CSMD1: variants seen among roughly 807,000 people sequenced by gnomAD.
CSMD1 encodes the protein CUB and Sushi multiple domains 1, also known as CUB and sushi domain-containing protein 1.
A neutral mutation model predicts 417.5 loss-of-function variants in CSMD1; 213 were observed. That is an observed-to-expected ratio of 0.51 (90% CI 0.46 to 0.57). The LOEUF (loss-of-function observed/expected upper bound fraction) is 0.57, where lower values mean the gene tolerates loss of function less well. Among genes scored for constraint, CSMD1 ranks in the 20% least tolerant of loss-of-function variants. CSMD1 has a pLI of 0.00. For missense variants in CSMD1, 6,923 were observed against 4,529.7 expected (o/e 1.53, Z -15.17); for synonymous variants, 2,862 against 1,736.8 (o/e 1.65, Z -16.11).
intron 1 of CSMD1, among the ~76,000 whole-genome samples, chr8:4,685,698 G>C (rs939185388): frequency 2.0e-5 from 3 of 152,186 alleles, no homozygotes; most frequent in African/African-American, 7.2e-5. Flanking sequence ...TGAGTACAAG[G>C]AAGTGAAACG....
At chr8:2,994,230 A>C (rs1806675125) in intron 54 of CSMD1, among the ~76,000 whole-genome samples, 1 of 151,972 alleles carries the variant, frequency 6.6e-6, no homozygotes, top group Non-Finnish European at 1.5e-5. Context: ...ACATTCAAAC[A>C]ACCAAAGAAG....
intron 1 of CSMD1, among the ~76,000 whole-genome samples, chr8:4,755,616 T>A (rs1811618170): frequency 6.6e-6 from 1 of 152,192 alleles, no homozygotes; most frequent in East Asian, 1.9e-4. Context: ...AAGTTACTTT[T>A]CATCGTCTCC....
At chr8:4,748,193 C>G (rs1393715758) in intron 1 of CSMD1, among the ~76,000 whole-genome samples, 2 of 152,206 alleles carry the variant, frequency 1.3e-5, no homozygotes, top group Admixed American at 1.3e-4. Context: ...ACATAAACAT[C>G]ATGCTCAAAT....
chr8:4,570,998 CT>C (rs911135697), intron 2 of CSMD1, among the ~76,000 whole-genome samples: 34 of 151,918 alleles, frequency 2.2e-4, no homozygotes, highest in African/African-American at 7.5e-4. Context: ...ATCCCTTTAT[CT>C]TTTTTTTATC....
intron 3 of CSMD1, among the ~76,000 whole-genome samples, chr8:4,136,664 T>C (rs983485268): frequency 2.3e-4 from 35 of 152,236 alleles, no homozygotes; most frequent in Non-Finnish European, 8.8e-5. Flanking sequence ...TTTCCTCTTA[T>C]TGTCTCACAA....
intron 1 of CSMD1, among the ~76,000 whole-genome samples, chr8:4,740,046 C>T (rs939010097): frequency 5.3e-5 from 8 of 152,040 alleles, no homozygotes; most frequent in African/African-American, 1.9e-4. Flanking sequence ...AATGCCACAG[C>T]TCTGGGAATG....
chr8:4,496,761 T>C (rs1485370961), intron 2 of CSMD1, among the ~76,000 whole-genome samples: 1 of 151,862 alleles, frequency 6.6e-6, no homozygotes, highest in Non-Finnish European at 1.5e-5. Context: ...AAGCTGGGAG[T>C]AATTTTGAAA....
At chr8:4,731,284 T>A (rs2116957073) in intron 1 of CSMD1, among the ~76,000 whole-genome samples, 1 of 152,274 alleles carries the variant, frequency 6.6e-6, no homozygotes, top group African/African-American at 2.4e-5. Flanking sequence ...AGAGGCCACC[T>A]TCCTCATGGG....
At chr8:4,333,033 C>G (rs770367928) in intron 3 of CSMD1, among the ~76,000 whole-genome samples, 1 of 151,750 alleles carries the variant, frequency 6.6e-6, no homozygotes, top group Non-Finnish European at 1.5e-5. Context: ...TCATCCCACA[C>G]ACAGCAACCA....
chr8:4,452,011 A>G (rs990116030), intron 2 of CSMD1, among the ~76,000 whole-genome samples: 2 of 150,998 alleles, frequency 1.3e-5, no homozygotes, highest in Non-Finnish European at 2.9e-5. Flanking sequence ...ATGAAATATT[A>G]TCTTTAGGCA....
chr8:3,354,875 A>ATATCTATAGATATGTCTATCTTTAGATC (rs1808649431), intron 21 of CSMD1, among the ~76,000 whole-genome samples: 1 of 71,522 alleles, frequency 1.4e-5, no homozygotes, highest in African/African-American at 7.1e-5. Flanking sequence ...AGATATACAT[A>ATATCTATAGATATGTCTATCTTTAGATC]TATCTATAGA....
chr8:4,825,084 G>T (rs932626594), intron 1 of CSMD1, among the ~76,000 whole-genome samples: 1 of 151,998 alleles, frequency 6.6e-6, no homozygotes. Flanking sequence ...TTTAAATACT[G>T]CATACATTTA....
chr8:4,133,119 G>T (rs1159869935), intron 3 of CSMD1, among the ~76,000 whole-genome samples: 1 of 152,170 alleles, frequency 6.6e-6, no homozygotes, highest in Non-Finnish European at 1.5e-5. Context: ...TGTATTTTTA[G>T]TAGAGAAGGG....
chr8:4,919,018 C>G (rs1200367151), intron 1 of CSMD1, among the ~76,000 whole-genome samples: 1 of 152,104 alleles, frequency 6.6e-6, no homozygotes, highest in Non-Finnish European at 1.5e-5. Context: ...AAAGATAAGC[C>G]ACTTAGGTGC....
At chr8:3,038,448 G>C (rs1011783806) in intron 50 of CSMD1, among the ~76,000 whole-genome samples, 1 of 152,160 alleles carries the variant, frequency 6.6e-6, no homozygotes, top group South Asian at 2.1e-4. Flanking sequence ...GGGCTTAATT[G>C]TAAAAGCAAT....
intron 1 of CSMD1, among the ~76,000 whole-genome samples, chr8:4,972,387 T>C (rs796171741): frequency 6.6e-5 from 10 of 152,112 alleles, no homozygotes; most frequent in Non-Finnish European, 1.5e-4. Context: ...GTTCCCCCCA[T>C]GCTGTTCTCA....
intron 12 of CSMD1, among the ~76,000 whole-genome samples, chr8:3,457,671 A>C (rs903983935): frequency 6.6e-6 from 1 of 152,248 alleles, no homozygotes; most frequent in Non-Finnish European, 1.5e-5. Context: ...CACAATTCAG[A>C]AATTTTAACA....
chr8:3,896,726 G>A (rs368114480), intron 5 of CSMD1, among the ~76,000 whole-genome samples: 89 of 151,978 alleles, frequency 5.9e-4, no homozygotes, highest in Middle Eastern at 6.8e-3. Flanking sequence ...TAGCCAGGAT[G>A]GTCTCGATCC....
chr8:4,444,283 G>T (rs997687153), intron 2 of CSMD1, among the ~76,000 whole-genome samples: 1 of 141,848 alleles, frequency 7.0e-6, no homozygotes, highest in African/African-American at 2.6e-5. Context: ...GGAGGTGGAC[G>T]TTGCAGTGAA....
Sources: allele counts gnomAD v4.1 joint callset (sites outside exome capture counted in the v4.1 genomes callset), GRCh38; gene constraint gnomAD v4.1.1; transcripts MANE v1.5; gene names NCBI Gene and HGNC (gene_info 2026-07-23, HGNC 2026-07-21).